ZFYVE28: variants seen among roughly 807,000 people sequenced by gnomAD.
ZFYVE28 encodes zinc finger FYVE-type containing 28, also known as lateral signaling target protein 2 homolog.
A neutral mutation model predicts 82.1 loss-of-function variants in ZFYVE28; 40 were observed. That is an observed-to-expected ratio of 0.49 (90% CI 0.38 to 0.63). The LOEUF is 0.63. Among genes scored for constraint, ZFYVE28 ranks in the 30% least tolerant of loss-of-function variants. The pLI is 0.00. For missense variants in ZFYVE28, 1,321 were observed against 1,242.1 expected (o/e 1.06, Z -0.96); for synonymous variants, 612 against 546.1 (o/e 1.12, Z -1.68).
At chr4:2,363,227 T>C (rs1187546033) in intron 1 of ZFYVE28, among the ~76,000 whole-genome samples, 1 of 152,080 alleles carries the variant, frequency 6.6e-6, no homozygotes, top group Non-Finnish European at 1.5e-5. Flanking sequence ...GTGGCATAGC[T>C]CAGATAATCC....
Position 2,304,620 on chromosome 4 carries a change from T to C in ZFYVE28, c.1720A>G (p.Arg574Gly). 1 of 1,612,468 alleles carries C rather than the reference T, an allele frequency of 6.2e-7. No homozygotes were observed. The highest frequency in any genetic ancestry group is 8.5e-7 in the Non-Finnish European group (1 of 1,179,830). The change falls in exon 8 of 13, where the codon AGG (arginine) becomes GGG (glycine). Residue 574 changes from arginine to glycine, a missense_variant. This residue lies in a region of ZFYVE28 where 978 missense variants were observed against 833.7 expected (regional missense o/e 1.17). Transcript: ENST00000290974. Reference sequence around the variant, plus strand: ...CGCAGACGCTCCACCACGTCCTCCCTGCTGTCCCCGCAGCTCCCACAGCAC... The same window carrying C: ...CGCAGACGCTCCACCACGTCCTCCCCGCTGTCCCCGCAGCTCCCACAGCAC... ...CVCCGSCGDS[R>G]EDVVERLREK...
intron 1 of ZFYVE28, among the ~76,000 whole-genome samples, chr4:2,387,156 C>T (rs1441034128): frequency 1.3e-5 from 2 of 152,218 alleles, no homozygotes; most frequent in African/African-American, 2.4e-5. Flanking sequence ...AGGAGGCTGG[C>T]CCACCCCGGA....
intron 6 of ZFYVE28, chr4:2,330,491 G>C: frequency 2.7e-6 from 3 of 1,097,152 alleles, no homozygotes; most frequent in Non-Finnish European, 3.3e-6. Flanking sequence ...ATGGAGGAGG[G>C]GACAGTGCAG....
At chr4:2,356,572 T>A (rs1200116368) in intron 1 of ZFYVE28, among the ~76,000 whole-genome samples, 1 of 152,194 alleles carries the variant, frequency 6.6e-6, no homozygotes, top group Non-Finnish European at 1.5e-5. Flanking sequence ...ACTTTGTGCC[T>A]TTCTGGAAGT....
chr4:2,343,533 T>G (rs1290086371), intron 2 of ZFYVE28: 2 of 152,260 alleles, frequency 1.3e-5, no homozygotes, highest in Non-Finnish European at 2.9e-5. Context: ...CTGTCACTTC[T>G]TTTTAAAAGG....
At chr4:2,415,930 A>G (rs781565549) in intron 1 of ZFYVE28, among the ~76,000 whole-genome samples, 2 of 152,254 alleles carry the variant, frequency 1.3e-5, no homozygotes, top group Non-Finnish European at 2.9e-5. Flanking sequence ...TGCTATGGCC[A>G]GAGACAGATC....
intron 7 of ZFYVE28, chr4:2,306,812 A>G (rs976051387): frequency 6.6e-6 from 1 of 152,228 alleles, no homozygotes; most frequent in Non-Finnish European, 1.5e-5. Context: ...GCACGTTGCC[A>G]TAGGTCATTC....
At chr4:2,389,557 T>C (rs1007298094) in intron 1 of ZFYVE28, among the ~76,000 whole-genome samples, 5 of 152,186 alleles carry the variant, frequency 3.3e-5, no homozygotes, top group African/African-American at 1.2e-4. Context: ...CGGCTTCTGA[T>C]AGATTAGGGA....
intron 8 of ZFYVE28, among the ~76,000 whole-genome samples, chr4:2,295,296 G>T (rs1450657693): frequency 2.0e-5 from 3 of 152,000 alleles, no homozygotes; most frequent in Non-Finnish European, 4.4e-5. Flanking sequence ...CAAGTAGCTG[G>T]GATTGCAGGC....
At chr4:2,295,080 C>G (rs530036331) in intron 8 of ZFYVE28, among the ~76,000 whole-genome samples, 2 of 152,334 alleles carry the variant, frequency 1.3e-5, no homozygotes, top group East Asian at 3.9e-4. Flanking sequence ...CAAGTGTTGA[C>G]AAGGACACAG....
chr4:2,338,181 C>T lies in ZFYVE28; in HGVS notation c.522-685G>A, dbSNP rs532781786. On this transcript the variant is annotated intron_variant, in intron 4 of 12. Transcript: ENST00000290974. ...CTCCGCACGTGGACCTCCACAGCCA[C>T]GGAAGCCAGCCCAGGCTGGGCACAG... Among the ~76,000 whole-genome samples, 113 of 152,380 alleles carry T rather than the reference C, an allele frequency of 7.4e-4. 1 individual carries two copies. The highest frequency in any genetic ancestry group is 2.6e-3 in the African/African-American group (107 of 41,596).
At chr4:2,411,213 C>T (rs564176974) in intron 1 of ZFYVE28, among the ~76,000 whole-genome samples, 3 of 151,672 alleles carry the variant, frequency 2.0e-5, no homozygotes, top group African/African-American at 4.8e-5. Flanking sequence ...GTTCCTTGTC[C>T]ATGGAGGGGC....
rs775772615 is a variant in ZFYVE28, at chr4:2,394,698, G to C, written c.39+23587C>G. 1.3e-5 allele frequency among the ~76,000 whole-genome samples: 2 copies of C among 152,356 alleles called. No individual in the cohort carries two copies. Among genetic ancestry groups the C allele is most frequent in the South Asian group, 2.1e-4 (1 of 4,828 alleles). ...GTCGTGTCACACAGGTCTGCGATCC[G>C]ATCCTGTGAACAGGCACCACTCTGC... On this transcript the variant is annotated intron_variant, in intron 1 of 12. Transcript: ENST00000290974. The surrounding 1 kb of genome is among the most constrained non-coding windows in gnomAD (Gnocchi z 4.0).
chr4:2,372,696 A>C lies in ZFYVE28; in HGVS notation c.40-18623T>G, dbSNP rs548131176. Among the ~76,000 whole-genome samples, 51 of 152,206 alleles carry C rather than the reference A, an allele frequency of 3.4e-4. No homozygotes were observed. The highest frequency in any genetic ancestry group is 1.2e-3 in the African/African-American group (51 of 41,542). ...TGGCTGTCACTCCCTCCGCAGAGGCAGGGGCAGGCACTCCAGGGCTTCGCT... is the reference window on the plus strand; with the variant it reads ...TGGCTGTCACTCCCTCCGCAGAGGCCGGGGCAGGCACTCCAGGGCTTCGCT... On this transcript the variant is annotated intron_variant, in intron 1 of 12. Transcript: ENST00000290974. This position sits in a 1 kb window ranked among gnomAD's most constrained non-coding sequence, Gnocchi z 5.2.
chr4:2,341,673 T>A lies in ZFYVE28; in HGVS notation c.181-58A>T, dbSNP rs1722832613. On this transcript the variant is annotated intron_variant, in intron 2 of 12. Transcript: ENST00000290974. This position sits in a 1 kb window ranked among gnomAD's most constrained non-coding sequence, Gnocchi z 4.5. ...CGCTGTGTCCAGCTGGCGGCCGCCA[T>A]GTACTGCTGGAAAACACGCACGGTG... 6.3e-7 allele frequency: 1 copy of A among 1,579,824 alleles called. No individual in the cohort carries two copies. The highest frequency in any genetic ancestry group is 1.3e-5 in the African/African-American group (1 of 74,372).
intron 1 of ZFYVE28, among the ~76,000 whole-genome samples, chr4:2,360,091 G>A (rs1725906846): frequency 6.6e-6 from 1 of 152,030 alleles, no homozygotes; most frequent in Non-Finnish European, 1.5e-5. Flanking sequence ...TGATGTCTAG[G>A]GGCCATGGGC....
chr4:2,369,414 G>T lies in ZFYVE28; in HGVS notation c.40-15341C>A, dbSNP rs978457283. 1.1e-4 allele frequency among the ~76,000 whole-genome samples: 16 copies of T among 152,290 alleles called. 1 individual carries two copies. Among genetic ancestry groups the T allele is most frequent in the African/African-American group, 2.6e-4 (11 of 41,560 alleles). ...AGAGAGGCCCTTGAGTAAGGAAAAGGTGCCCCCAGAGCCTACTCTGGGACC... is the reference window on the plus strand; with the variant it reads ...AGAGAGGCCCTTGAGTAAGGAAAAGTTGCCCCCAGAGCCTACTCTGGGACC... On this transcript the variant is annotated intron_variant, in intron 1 of 12. Coordinates refer to ENST00000290974, the MANE Select transcript of ZFYVE28 (RefSeq NM_020972.3).
At chr4:2,366,844 AC>A (rs1449803679) in intron 1 of ZFYVE28, among the ~76,000 whole-genome samples, 1 of 152,364 alleles carries the variant, frequency 6.6e-6, no homozygotes, top group East Asian at 1.9e-4. Context: ...CATCCTCCTT[AC>A]AGGAGAAACA....
rs565070365 is a variant in ZFYVE28, at chr4:2,305,431, G to A, written c.909C>T (p.Pro303=). The change falls in exon 8 of 13, where the codon CCC becomes CCT. Residue 303 remains proline, a synonymous_variant. Coordinates refer to ENST00000290974, the MANE Select transcript of ZFYVE28 (RefSeq NM_020972.3). ...EFPIRADVQG[P]AALAPALSAP... The stretch of plus-strand genomic sequence containing the variant: ...CAGAGAGGGCAGGCGCCAGGGCAGC[G>A]GGTCCCTGCACGTCTGCGCGGATGG... The A allele has an allele frequency of 1.1e-4, 172 of 1,612,750 alleles. No homozygotes were observed. Among genetic ancestry groups the A allele is most frequent in the Non-Finnish European group, 1.2e-4 (147 of 1,179,974 alleles).
Sources: allele counts gnomAD v4.1 joint callset (sites outside exome capture counted in the v4.1 genomes callset), GRCh38; gene constraint gnomAD v4.1.1; regional missense constraint gnomAD v4.1.1; non-coding constraint Gnocchi (gnomAD v3.1); transcripts MANE v1.5; gene names NCBI Gene and HGNC (gene_info 2026-07-23, HGNC 2026-07-21).